The following ZNF385D variants were observed in gnomAD, a reference collection of about 807,000 sequenced individuals.
ZNF385D encodes the protein zinc finger protein 385D, also known as zinc finger protein 659.
ZNF385D carries 15 observed loss-of-function variants against 35.8 expected under a neutral mutation model. The observed-to-expected ratio is 0.42, with a 90% CI of 0.28 to 0.64. ZNF385D has a LOEUF of 0.64. Among genes scored for constraint, ZNF385D ranks in the 30% least tolerant of loss-of-function variants. The pLI is 0.23. For missense variants in ZNF385D, 474 were observed against 494.6 expected, an observed-to-expected ratio of 0.96 and a Z score of 0.39; for synonymous variants, 212 against 186.8, an observed-to-expected ratio of 1.13 and a Z score of -1.10.
At chr3:21,924,908 C>G (rs532999699) in intron 3 of ZNF385D, among the ~76,000 whole-genome samples, 7 of 152,164 alleles carry the variant, frequency 4.6e-5, no homozygotes, top group Non-Finnish European at 1.0e-4. Flanking sequence ...TGCCCTCCTT[C>G]TCCTGCTACA....
chr3:21,511,051 C>T (rs1308064293), intron 3 of ZNF385D, 28 bp from the exon 4 acceptor site: 2 of 1,612,564 alleles, frequency 1.2e-6, no homozygotes, highest in Non-Finnish European at 1.7e-6. Context: ...ATGAACCATG[C>T]AATCAGGCTC....
intron 3 of ZNF385D, among the ~76,000 whole-genome samples, chr3:21,854,950 A>G (rs981984694): frequency 6.6e-6 from 1 of 151,994 alleles, no homozygotes; most frequent in Non-Finnish European, 1.5e-5. Context: ...AAATTCACTC[A>G]GCAAACATTA....
At chr3:22,170,286 C>T (rs913773188) in intron 2 of ZNF385D, among the ~76,000 whole-genome samples, 4 of 152,188 alleles carry the variant, frequency 2.6e-5, no homozygotes, top group African/African-American at 9.7e-5. Flanking sequence ...TGCAATTATA[C>T]AAACTTAATG....
intron 3 of ZNF385D, among the ~76,000 whole-genome samples, chr3:21,783,146 T>A (rs1425600851): frequency 6.6e-6 from 1 of 152,198 alleles, no homozygotes; most frequent in Non-Finnish European, 1.5e-5. Flanking sequence ...TGATAAATTC[T>A]ATTTATGAAC....
In ZNF385D at chr3:21,808,388, T is replaced by C. The variant is rs143172371; in HGVS notation, c.326-143360A>G. On this transcript the variant is annotated intron_variant, in intron 3 of 5. Coordinates refer to the ZNF385D transcript ENST00000494108. ...ACTAGAAGCTATGACTCCAGATTCT[T>C]TGCTCTGTGCTGTGGCCCCAGAGAC... Among the ~76,000 whole-genome samples the C allele has an allele frequency of 1.4e-4, 21 of 152,298 alleles. No homozygotes were observed. The East Asian group carries it at 2.1e-3, about 15-fold the overall frequency.
chr3:22,335,773 T>C (rs1272050579), intron 2 of ZNF385D, among the ~76,000 whole-genome samples: 1 of 152,180 alleles, frequency 6.6e-6, no homozygotes, highest in Non-Finnish European at 1.5e-5. Flanking sequence ...TCCATATTTC[T>C]ATTATACACA....
chr3:21,894,143 T>G (rs924655811), intron 3 of ZNF385D, among the ~76,000 whole-genome samples: 2 of 152,206 alleles, frequency 1.3e-5, no homozygotes, highest in Non-Finnish European at 2.9e-5. Flanking sequence ...ATTTTTAAAT[T>G]GCACTAAGCT....
intron 3 of ZNF385D, among the ~76,000 whole-genome samples, chr3:21,851,703 A>T (rs1696398335): frequency 6.6e-6 from 1 of 152,058 alleles, no homozygotes; most frequent in African/African-American, 2.4e-5. Context: ...ATTTTCAATG[A>T]CATACAATTC....
At chr3:22,101,735 A>T (rs893747774) in intron 3 of ZNF385D, among the ~76,000 whole-genome samples, 1 of 152,042 alleles carries the variant, frequency 6.6e-6, no homozygotes, top group Non-Finnish European at 1.5e-5. Context: ...AAGTCAGCAG[A>T]GTTCTTGTGC....
intron 3 of ZNF385D, among the ~76,000 whole-genome samples, chr3:21,836,256 G>T (rs901694759): frequency 2.0e-5 from 3 of 151,990 alleles, no homozygotes; most frequent in African/African-American, 7.2e-5. Flanking sequence ...ATATGGAGGC[G>T]CATTAAATCA....
In ZNF385D at chr3:21,886,204, C is replaced by T. The variant is rs145785209; in HGVS notation, c.326-221176G>A. ...ATTCTACCTGTCTTCTAGTGGTCTG[C>T]CTATTTCATCCAGACTGTTTATCTT... On this transcript the variant is annotated intron_variant, in intron 3 of 5. Coordinates refer to the ZNF385D transcript ENST00000494108. Among the ~76,000 whole-genome samples the T allele has an allele frequency of 1.4e-4, 21 of 152,094 alleles. No homozygotes were observed. The East Asian group carries it at 4.1e-3, about 30-fold the overall frequency.
At chr3:21,598,111 T>A (rs73819316) in intron 2 of ZNF385D, among the ~76,000 whole-genome samples, 22,655 of 152,206 alleles carry the variant, frequency 0.15, 3,055 homozygotes, top group African/African-American at 0.36. Flanking sequence ...TTGAATCATT[T>A]ATCATAGGAG....
intron 1 of ZNF385D, among the ~76,000 whole-genome samples, chr3:21,703,603 T>C (rs2067777565): frequency 1.3e-5 from 2 of 152,124 alleles, no homozygotes; most frequent in Admixed American, 6.6e-5. Flanking sequence ...AAATAAACTT[T>C]TTAAATAAAA....
At chr3:22,280,922 G>T (rs1158570911) in intron 2 of ZNF385D, among the ~76,000 whole-genome samples, 2 of 151,804 alleles carry the variant, frequency 1.3e-5, no homozygotes, top group African/African-American at 2.4e-5. Context: ...AGTGTTTTGT[G>T]GTTTTCCTTG....
chr3:22,353,317 C>T (rs1383537657), intron 2 of ZNF385D, among the ~76,000 whole-genome samples: 2 of 152,180 alleles, frequency 1.3e-5, no homozygotes, highest in South Asian at 2.1e-4. Flanking sequence ...TCTTTGAATT[C>T]CACCATGTCT....
intron 4 of ZNF385D, among the ~76,000 whole-genome samples, chr3:21,480,636 T>C (rs1256480819): frequency 1.3e-5 from 2 of 152,136 alleles, no homozygotes; most frequent in African/African-American, 4.8e-5. Context: ...ACTGTAATGA[T>C]CACTAAAATG....
chr3:21,443,029 G>T, intron 4 of ZNF385D: 1 of 724,960 alleles, frequency 1.4e-6, no homozygotes, highest in Non-Finnish European at 1.7e-6. Flanking sequence ...TGTCTAAGCA[G>T]AAAAAGTCCC....
chr3:22,202,031 A>G (rs1696831680), intron 2 of ZNF385D, among the ~76,000 whole-genome samples: 1 of 152,052 alleles, frequency 6.6e-6, no homozygotes, highest in African/African-American at 2.4e-5. Context: ...TGGCTTTTGC[A>G]CCTAAAGTTT....
intron 3 of ZNF385D, among the ~76,000 whole-genome samples, chr3:22,058,596 G>T (rs1023029522): frequency 3.3e-5 from 5 of 152,136 alleles, no homozygotes; most frequent in African/African-American, 1.2e-4. Context: ...ATAATTTCAG[G>T]ATTATAAACT....
Sources: allele counts gnomAD v4.1 joint callset (sites outside exome capture counted in the v4.1 genomes callset), GRCh38; gene constraint gnomAD v4.1.1; transcripts MANE v1.5; gene names NCBI Gene and HGNC (gene_info 2026-07-23, HGNC 2026-07-21).